The following GRB14 variants were observed in gnomAD, a reference collection of about 807,000 sequenced individuals.
GRB14 encodes the protein growth factor receptor-bound protein 14.
In GRB14, 38 loss-of-function variants were observed where a neutral mutation model predicts 69.1. That is an observed-to-expected ratio of 0.55 (90% CI 0.42 to 0.72). The LOEUF (loss-of-function observed/expected upper bound fraction) is 0.72. Ranked by LOEUF, GRB14 falls within the 30% of genes least tolerant of loss-of-function variation. The probability of loss-of-function intolerance (pLI) is 0.00; values close to 1 mark genes in which losing one functional copy is unlikely to be tolerated. For missense variants in GRB14, 666 were observed against 666.1 expected (o/e 1.00, Z 0.00); for synonymous variants, 247 against 241.3 (o/e 1.02, Z -0.22).
chr2:164,550,605 C>T (rs1341035896), intron 2 of GRB14, among the ~76,000 whole-genome samples: 1 of 152,024 alleles, frequency 6.6e-6, no homozygotes, highest in Non-Finnish European at 1.5e-5. Context: ...ATTCCTTTGA[C>T]CCAGCAATTT....
intron 2 of GRB14, among the ~76,000 whole-genome samples, chr2:164,603,832 C>CTTGCTTTGTGAGTAATTGCTTTG (rs1033038212): frequency 1.3e-5 from 2 of 152,052 alleles, no homozygotes; most frequent in African/African-American, 4.8e-5. Context: ...GTCACAATTA[C>CTTGCTTTGTGAGTAATTGCTTTG]TGAGAAAAGA....
intron 2 of GRB14, among the ~76,000 whole-genome samples, chr2:164,559,320 T>C (rs536963528): frequency 6.6e-6 from 1 of 152,242 alleles, no homozygotes; most frequent in Admixed American, 6.5e-5. Context: ...CATGAGTTAT[T>C]GGGGTACAGG....
chr2:164,554,967 C>T (rs1452311001), intron 2 of GRB14, among the ~76,000 whole-genome samples: 2 of 150,850 alleles, frequency 1.3e-5, no homozygotes, highest in Admixed American at 6.6e-5. Context: ...AGACTAAAAG[C>T]GACAAAATAT....
intron 3 of GRB14, among the ~76,000 whole-genome samples, chr2:164,533,636 CT>C (rs1688008542): frequency 6.6e-6 from 1 of 152,086 alleles, no homozygotes; most frequent in South Asian, 2.1e-4. Flanking sequence ...TTATGTCAAT[CT>C]TCAAAGTACA....
intron 2 of GRB14, among the ~76,000 whole-genome samples, chr2:164,556,962 C>G (rs948849473): frequency 2.0e-5 from 3 of 152,064 alleles, no homozygotes; most frequent in African/African-American, 7.2e-5. Flanking sequence ...GTGTTGACAC[C>G]TCACGGAGTT....
At chr2:164,523,919 G>A (rs1687701098) in intron 5 of GRB14, among the ~76,000 whole-genome samples, 1 of 152,036 alleles carries the variant, frequency 6.6e-6, no homozygotes, top group African/African-American at 2.4e-5. Context: ...TAATACAGTG[G>A]TGAAGCATTC....
chr2:164,513,934 C>G (rs1425559157), intron 6 of GRB14, among the ~76,000 whole-genome samples: 3 of 152,170 alleles, frequency 2.0e-5, no homozygotes, highest in African/African-American at 7.2e-5. Flanking sequence ...ATGCCAAAGA[C>G]TATATAACAT....
At chr2:164,597,563 A>G (rs2105349939) in intron 2 of GRB14, among the ~76,000 whole-genome samples, 1 of 152,272 alleles carries the variant, frequency 6.6e-6, no homozygotes, top group Non-Finnish European at 1.5e-5. Context: ...AATTAACTAT[A>G]CTAGCTAACA....
intron 2 of GRB14, among the ~76,000 whole-genome samples, chr2:164,593,298 T>C (rs1689710129): frequency 6.6e-6 from 1 of 152,128 alleles, no homozygotes; most frequent in Non-Finnish European, 1.5e-5. Context: ...TTAAACTATA[T>C]ATACATTCTG....
chr2:164,611,482 TTGAGGG>T (rs1172178126), intron 2 of GRB14, among the ~76,000 whole-genome samples: 1 of 151,890 alleles, frequency 6.6e-6, no homozygotes, highest in Non-Finnish European at 1.5e-5. Flanking sequence ...AATAAATGAT[TTGAGGG>T]TGGAGAAAGA....
At chr2:164,615,285 T>A (rs989271251) in intron 2 of GRB14, among the ~76,000 whole-genome samples, 7 of 152,066 alleles carry the variant, frequency 4.6e-5, no homozygotes, top group African/African-American at 1.7e-4. Flanking sequence ...GATAATAAAA[T>A]CAAATATTTG....
At chr2:164,606,956 G>A (rs1182445302) in intron 2 of GRB14, among the ~76,000 whole-genome samples, 1 of 152,194 alleles carries the variant, frequency 6.6e-6, no homozygotes, top group Non-Finnish European at 1.5e-5. Flanking sequence ...AAGTATGCAT[G>A]CTTTTTAACT....
chr2:164,546,065 G>A (rs1688365660), intron 3 of GRB14, among the ~76,000 whole-genome samples: 1 of 152,172 alleles, frequency 6.6e-6, no homozygotes, highest in Admixed American at 6.5e-5. Flanking sequence ...GACTCAAAAT[G>A]TGGTCCAAAT....
chr2:164,618,194 A>C (rs1229609755), intron 2 of GRB14, among the ~76,000 whole-genome samples: 1 of 151,698 alleles, frequency 6.6e-6, no homozygotes, highest in Non-Finnish European at 1.5e-5. Flanking sequence ...CTCAATCTTC[A>C]GACTTCGTGA....
intron 2 of GRB14, among the ~76,000 whole-genome samples, chr2:164,548,740 G>T (rs1183200181): frequency 1.3e-5 from 2 of 151,918 alleles, no homozygotes; most frequent in Non-Finnish European, 2.9e-5. Flanking sequence ...TTGTCTTTTT[G>T]ATAACAGCCA....
At chr2:164,584,815 T>C (rs1054702755) in intron 2 of GRB14, among the ~76,000 whole-genome samples, 2 of 152,236 alleles carry the variant, frequency 1.3e-5, no homozygotes, top group African/African-American at 4.8e-5. Flanking sequence ...CTAGTACCTT[T>C]ATAAAAGTTA....
At chr2:164,508,355 T>C (rs973793720) in intron 8 of GRB14, 100 bp downstream of exon 8, 9 of 857,176 alleles carry the variant, frequency 1.0e-5, no homozygotes, top group African/African-American at 1.0e-4. Flanking sequence ...CTTTCTCATG[T>C]AGCCACCCAG....
chr2:164,547,772 A>C lies in GRB14; in HGVS notation c.369T>G (p.Asp123Glu). The C allele has an allele frequency of 6.2e-7, 1 of 1,613,846 alleles. No individual in the cohort carries two copies. The highest frequency in any genetic ancestry group is 2.2e-5 in the East Asian group (1 of 44,866). The change falls in exon 3 of 14, where the codon GAT becomes GAG. Residue 123 changes from aspartate to glutamate, a missense_variant. Physicochemically the swap from Asp to Glu is conservative, Grantham distance 45. Transcript: ENST00000263915. Reference sequence around the variant, plus strand: ...CTCGAGCCGTTATGTCACTGGGTACATCTAAAGCCCTGCTGGTTTCATCTT... The same window carrying C: ...CTCGAGCCGTTATGTCACTGGGTACCTCTAAAGCCCTGCTGGTTTCATCTT... Reference protein sequence around the residue: ...YSEDETSRALDVPSDITARDV... With the variant: ...YSEDETSRALEVPSDITARDV...
chr2:164,519,516 A>C (rs1162360785), intron 6 of GRB14, among the ~76,000 whole-genome samples: 2 of 152,156 alleles, frequency 1.3e-5, no homozygotes, highest in African/African-American at 4.8e-5. Flanking sequence ...CAGAGCAATC[A>C]GACAAGAAAA....
Sources: allele counts gnomAD v4.1 joint callset (sites outside exome capture counted in the v4.1 genomes callset), GRCh38; gene constraint gnomAD v4.1.1; transcripts MANE v1.5; gene names NCBI Gene and HGNC (gene_info 2026-07-23, HGNC 2026-07-21).